Variants in NFIB observed in about 807,000 individuals in gnomAD.
The protein encoded by NFIB is nuclear factor I B.
A neutral mutation model predicts 61.5 loss-of-function variants in NFIB; 11 were observed. That is an observed-to-expected ratio of 0.18 (90% CI 0.11 to 0.30). The LOEUF is 0.30. NFIB is among the 10% of genes least tolerant of loss of function. The probability of loss-of-function intolerance (pLI) is 1.00; values close to 1 mark genes in which losing one functional copy is unlikely to be tolerated. For missense variants in NFIB, 471 were observed against 608.9 expected, an observed-to-expected ratio of 0.77 and a Z score of 2.38; for synonymous variants, 260 against 216.5, an observed-to-expected ratio of 1.20 and a Z score of -1.76.
chr9:14,465,526 G>C, the NFIB span, among the ~76,000 whole-genome samples: 1 of 151,682 alleles, frequency 6.6e-6, no homozygotes, highest in Non-Finnish European at 1.5e-5. Flanking sequence ...GAAAATTGTT[G>C]TCACCGTCAA....
the NFIB span, among the ~76,000 whole-genome samples, chr9:14,478,086 G>A: frequency 6.6e-6 from 1 of 152,060 alleles, no homozygotes; most frequent in East Asian, 1.9e-4. Flanking sequence ...TCTCTGTTCT[G>A]CATTGTTGAC....
At chr9:14,173,943 A>G (rs12344948) in intron 3 of NFIB, among the ~76,000 whole-genome samples, 10,835 of 152,186 alleles carry the variant, frequency 0.071, 1,200 homozygotes, top group African/African-American at 0.23. Context: ...TCAACCTTTC[A>G]TGAGTGGGCT....
At chr9:14,190,493 G>T (rs1256961366) in intron 2 of NFIB, among the ~76,000 whole-genome samples, 2 of 152,164 alleles carry the variant, frequency 1.3e-5, no homozygotes, top group Non-Finnish European at 2.9e-5. Flanking sequence ...AGTATTAAAT[G>T]TCCTAACAGT....
intron 3 of NFIB, among the ~76,000 whole-genome samples, chr9:14,164,845 A>C (rs1342007768): frequency 6.6e-6 from 1 of 152,122 alleles, no homozygotes; most frequent in African/African-American, 2.4e-5. Flanking sequence ...TTCTGATTTA[A>C]TTGATATGGG....
the NFIB span, among the ~76,000 whole-genome samples, chr9:14,485,193 T>C: frequency 6.6e-6 from 1 of 152,304 alleles, no homozygotes; most frequent in East Asian, 1.9e-4. Flanking sequence ...GGGGACAAAA[T>C]TCAGTCCATA....
At chr9:14,394,465 G>A (rs898034521) in intron 1 of NFIB, among the ~76,000 whole-genome samples, 1 of 152,306 alleles carries the variant, frequency 6.6e-6, no homozygotes, top group South Asian at 2.1e-4. Flanking sequence ...AGAAGCAAAG[G>A]CATGTCTTAC....
chr9:14,154,909 G>T (rs2043229256), intron 4 of NFIB, among the ~76,000 whole-genome samples: 1 of 152,066 alleles, frequency 6.6e-6, no homozygotes, highest in East Asian at 1.9e-4. Context: ...ATTACTCTTT[G>T]TTCTTTCTGG....
intron 2 of NFIB, among the ~76,000 whole-genome samples, chr9:14,276,087 G>A (rs760906852): frequency 6.6e-6 from 1 of 151,952 alleles, no homozygotes; most frequent in Non-Finnish European, 1.5e-5. Context: ...GGGGTTTTTT[G>A]TTTTGTCTTG....
chr9:14,419,939 G>A, the NFIB span, among the ~76,000 whole-genome samples: 2 of 152,166 alleles, frequency 1.3e-5, no homozygotes, highest in Non-Finnish European at 2.9e-5. Context: ...TTCTTGTTTT[G>A]TAGAGTAAAT....
the NFIB span, among the ~76,000 whole-genome samples, chr9:14,470,907 T>A: frequency 1.4e-3 from 207 of 152,274 alleles, 1 homozygote; most frequent in Admixed American, 4.5e-3. Flanking sequence ...GAAGATGAAC[T>A]CTAAATTCCT....
chr9:14,490,154 T>A, the NFIB span, among the ~76,000 whole-genome samples: 1 of 152,178 alleles, frequency 6.6e-6, no homozygotes, highest in Admixed American at 6.5e-5. Context: ...CCCCAAATTT[T>A]ACCCACTTTT....
At chr9:14,391,342 A>AC (rs766526187) in intron 1 of NFIB, among the ~76,000 whole-genome samples, 2 of 145,310 alleles carry the variant, frequency 1.4e-5, no homozygotes, top group Non-Finnish European at 3.1e-5. Flanking sequence ...CCCCCCCCCC[A>AC]CCCCCCGCCC....
the NFIB span, among the ~76,000 whole-genome samples, chr9:14,522,305 AATTG>A: frequency 0.054 from 8,286 of 152,254 alleles, 317 homozygotes; most frequent in South Asian, 0.15. Flanking sequence ...TGTGTAAACT[AATTG>A]ATTGAACATT....
At chr9:14,356,723 G>A (rs1490119033) in intron 1 of NFIB, among the ~76,000 whole-genome samples, 1 of 152,168 alleles carries the variant, frequency 6.6e-6, no homozygotes, top group African/African-American at 2.4e-5. Flanking sequence ...AAACTGGATG[G>A]TCTGAGGGTC....
chr9:14,427,306 TA>T, the NFIB span, among the ~76,000 whole-genome samples: 1 of 152,212 alleles, frequency 6.6e-6, no homozygotes, highest in Non-Finnish European at 1.5e-5. Context: ...TGAATATTTG[TA>T]TTGTGCTTTC....
At chr9:14,139,330 G>A (rs1248158739) in intron 6 of NFIB, among the ~76,000 whole-genome samples, 1 of 152,084 alleles carries the variant, frequency 6.6e-6, no homozygotes, top group Non-Finnish European at 1.5e-5. Flanking sequence ...ATATGATATT[G>A]GGAGTCTAAT....
Position 14,325,650 on chromosome 9 carries a change from T to C in NFIB, c.109-18130A>G, listed in dbSNP as rs565178529. Among the ~76,000 whole-genome samples, 9 of 152,206 alleles carry C rather than the reference T, an allele frequency of 5.9e-5. No individual in the cohort carries two copies. In the East Asian group the frequency reaches 1.7e-3, roughly 29 times the overall value. ...AAAATAGAGAAAGTGTGTTTTAATT[T>C]CTATGATTTTTATATTATTAAAGGG... On this transcript the variant is annotated intron_variant, in intron 1 of 8. Coordinates refer to the NFIB transcript ENST00000380934.
the NFIB span, among the ~76,000 whole-genome samples, chr9:14,412,012 A>G: frequency 6.6e-6 from 1 of 152,210 alleles, no homozygotes. Context: ...CTTCAGCCCC[A>G]GCCAAGCCTT....
chr9:14,340,821 C>A (rs2060940609), intron 1 of NFIB, among the ~76,000 whole-genome samples: 1 of 152,030 alleles, frequency 6.6e-6, no homozygotes, highest in Non-Finnish European at 1.5e-5. Context: ...GTAGGGCTAC[C>A]TCTCAGGTGG....
Sources: allele counts gnomAD v4.1 joint callset (sites outside exome capture counted in the v4.1 genomes callset), GRCh38; gene constraint gnomAD v4.1.1; transcripts MANE v1.5; gene names NCBI Gene and HGNC (gene_info 2026-07-23, HGNC 2026-07-21).